The following ENOX1 variants were observed in gnomAD, a reference collection of about 807,000 sequenced individuals.
ENOX1 encodes the protein candidate growth-related and time keeping constitutive hydroquinone (NADH) oxidase.
A neutral mutation model predicts 82.5 loss-of-function variants in ENOX1; 42 were observed. The ratio of observed to expected loss-of-function variants is 0.51; its 90% CI spans 0.40 to 0.66. The LOEUF (loss-of-function observed/expected upper bound fraction) is 0.66. ENOX1 is among the 30% of genes least tolerant of loss of function. ENOX1 has a pLI of 0.00. For missense variants in ENOX1, 608 were observed against 811.6 expected, an observed-to-expected ratio of 0.75 and a Z score of 3.05; for synonymous variants, 271 against 282.2, an observed-to-expected ratio of 0.96 and a Z score of 0.40.
At chr13:43,323,615 T>C (rs1293983914) in intron 10 of ENOX1, among the ~76,000 whole-genome samples, 4 of 152,252 alleles carry the variant, frequency 2.6e-5, no homozygotes, top group African/African-American at 9.6e-5. Context: ...TTCTCTTACA[T>C]GTACTATCTT....
intron 1 of ENOX1, among the ~76,000 whole-genome samples, chr13:43,731,375 A>G (rs902206613): frequency 6.6e-6 from 1 of 152,198 alleles, no homozygotes; most frequent in Non-Finnish European, 1.5e-5. Context: ...CCATGGGAAG[A>G]GCTTTGTATA....
At chr13:43,604,417 G>A (rs2081888317) in intron 2 of ENOX1, among the ~76,000 whole-genome samples, 1 of 152,108 alleles carries the variant, frequency 6.6e-6, no homozygotes, top group Non-Finnish European at 1.5e-5. Flanking sequence ...AGCAAAAGCA[G>A]TACTAAAAAA....
chr13:43,418,714 C>A (rs1330673707), intron 3 of ENOX1, among the ~76,000 whole-genome samples: 4 of 152,138 alleles, frequency 2.6e-5, no homozygotes, highest in Non-Finnish European at 5.9e-5. Flanking sequence ...ATCTGATACA[C>A]AAAATGCCAA....
intron 1 of ENOX1, among the ~76,000 whole-genome samples, chr13:43,771,610 G>T (rs1477616850): frequency 1.3e-5 from 2 of 152,278 alleles, no homozygotes; most frequent in East Asian, 3.9e-4. Context: ...GGTCTAAGAG[G>T]TAACAGTGGG....
chr13:43,444,789 C>G (rs1247550115), intron 3 of ENOX1, among the ~76,000 whole-genome samples: 5 of 152,146 alleles, frequency 3.3e-5, no homozygotes, highest in Non-Finnish European at 5.9e-5. Flanking sequence ...GGGATGTATT[C>G]AGGAGGACAA....
chr13:43,551,547 T>A (rs2079195651), intron 2 of ENOX1, among the ~76,000 whole-genome samples: 1 of 152,222 alleles, frequency 6.6e-6, no homozygotes, highest in African/African-American at 2.4e-5. Context: ...CACCAAAAAC[T>A]TTTATCTTAA....
chr13:43,438,322 A>T (rs1477195352), intron 3 of ENOX1, among the ~76,000 whole-genome samples: 4 of 152,182 alleles, frequency 2.6e-5, no homozygotes, highest in African/African-American at 7.2e-5. Flanking sequence ...GAGACCAGAC[A>T]AGATGAGGCA....
At chr13:43,431,850 A>G (rs1398780552) in intron 3 of ENOX1, among the ~76,000 whole-genome samples, 1 of 152,106 alleles carries the variant, frequency 6.6e-6, no homozygotes, top group Non-Finnish European at 1.5e-5. Context: ...CTCACCTGGG[A>G]GCACACACGT....
intron 1 of ENOX1, among the ~76,000 whole-genome samples, chr13:43,748,071 T>A (rs1015292388): frequency 6.6e-6 from 1 of 152,250 alleles, no homozygotes; most frequent in Non-Finnish European, 1.5e-5. Context: ...GTGGTCATTA[T>A]GTGCTCTGCT....
chr13:43,476,666 T>C (rs928492790), intron 3 of ENOX1, among the ~76,000 whole-genome samples: 1 of 152,160 alleles, frequency 6.6e-6, no homozygotes. Context: ...TTATAGTTGA[T>C]TGAGATATAA....
intron 2 of ENOX1, among the ~76,000 whole-genome samples, chr13:43,646,073 C>G (rs1445492903): frequency 6.6e-6 from 1 of 152,234 alleles, no homozygotes; most frequent in African/African-American, 2.4e-5. Flanking sequence ...CTGTGTTCCT[C>G]AGTTGTGACA....
chr13:43,614,902 C>A (rs973484724), intron 2 of ENOX1, among the ~76,000 whole-genome samples: 6 of 152,222 alleles, frequency 3.9e-5, no homozygotes, highest in African/African-American at 1.2e-4. Flanking sequence ...GAACCTTAGA[C>A]CCCACCCCAG....
intron 2 of ENOX1, among the ~76,000 whole-genome samples, chr13:43,549,104 C>T (rs565944898): frequency 6.6e-6 from 1 of 152,272 alleles, no homozygotes; most frequent in African/African-American, 2.4e-5. Context: ...TCCCAAAAGA[C>T]ATTTTATCCT....
At chr13:43,454,132 A>G (rs1483572878) in intron 3 of ENOX1, among the ~76,000 whole-genome samples, 2 of 152,174 alleles carry the variant, frequency 1.3e-5, no homozygotes, top group Non-Finnish European at 2.9e-5. Context: ...TCAGCTTAGT[A>G]TTTATTAAAG....
chr13:43,774,463 T>C (rs374477284), intron 1 of ENOX1, among the ~76,000 whole-genome samples: 1 of 149,040 alleles, frequency 6.7e-6, no homozygotes, highest in African/African-American at 2.5e-5. Context: ...TCAGTGATTA[T>C]AGGTGTGCAC....
intron 14 of ENOX1, among the ~76,000 whole-genome samples, chr13:43,263,891 T>TGAA (rs1017256842): frequency 9.9e-5 from 15 of 152,232 alleles, no homozygotes. Flanking sequence ...GACAGGGTGC[T>TGAA]GAAGAAGGGT....
At chr13:43,664,102 C>T (rs1022384349) in intron 2 of ENOX1, among the ~76,000 whole-genome samples, 1 of 152,048 alleles carries the variant, frequency 6.6e-6, no homozygotes, top group Non-Finnish European at 1.5e-5. Flanking sequence ...ATATACTTTC[C>T]ATAATATAAT....
At chr13:43,663,118 C>T (rs2084814781) in intron 2 of ENOX1, among the ~76,000 whole-genome samples, 1 of 152,130 alleles carries the variant, frequency 6.6e-6, no homozygotes, top group South Asian at 2.1e-4. Context: ...CCTTTGGAAG[C>T]AGTGAGACCA....
intron 1 of ENOX1, among the ~76,000 whole-genome samples, chr13:43,691,862 G>A (rs2086384107): frequency 6.6e-6 from 1 of 151,952 alleles, no homozygotes; most frequent in South Asian, 2.1e-4. Context: ...CACCACGCCT[G>A]GCTAATTTTT....
Sources: allele counts gnomAD v4.1 joint callset (sites outside exome capture counted in the v4.1 genomes callset), GRCh38; gene constraint gnomAD v4.1.1; transcripts MANE v1.5; gene names NCBI Gene and HGNC (gene_info 2026-07-23, HGNC 2026-07-21).